Variants in ARL17B observed in about 807,000 individuals in gnomAD.
ARL17B encodes the protein ADP-ribosylation factor-like protein 17.
At chr17:46,340,927 A>G (rs1402668437) in intron 3 of ARL17B, among the ~76,000 whole-genome samples, 3 of 77,774 alleles carry the variant, frequency 3.9e-5, no homozygotes, top group African/African-American at 1.2e-4. Flanking sequence ...TTTTTTCCAG[A>G]GACGGGCCTC....
chr17:46,277,155 T>C (rs2049612833), intron 4 of ARL17B, among the ~76,000 whole-genome samples: 1 of 152,234 alleles, frequency 6.6e-6, no homozygotes, highest in African/African-American at 2.4e-5. Context: ...TCAGCTCCCA[T>C]GTGCTTTATT....
intron 4 of ARL17B, among the ~76,000 whole-genome samples, chr17:46,287,908 T>C (rs1567855840): frequency 6.6e-6 from 1 of 152,330 alleles, no homozygotes; most frequent in Non-Finnish European, 1.5e-5. Context: ...CAAACGCTTA[T>C]ACAGTGTGTC....
rs2051685033 is a variant in ARL17B, at chr17:46,325,558, AC to A, written c.260-25894del. Among the ~76,000 whole-genome samples the A allele has an allele frequency of 3.7e-5, 3 of 82,058 alleles. 1 individual carries two copies. Among genetic ancestry groups the A allele is most frequent in the African/African-American group, 3.1e-5 (1 of 32,210 alleles). 53.8% of individuals were successfully genotyped at this position (82,058 alleles called of 152,430 possible). ...ATTGAAGGAGACTAAAGAATCATGTACTAAGTGTAATGTCTGATGTTTGATT... is the reference window on the plus strand; with the variant it reads ...ATTGAAGGAGACTAAAGAATCATGTATAAGTGTAATGTCTGATGTTTGATT... On this transcript the variant is annotated intron_variant, in intron 3 of 4. Transcript: ENST00000434041.
At chr17:46,293,115 A>T (rs2050123076) in intron 4 of ARL17B, 1 of 40,486 alleles carries the variant, frequency 2.5e-5, no homozygotes, top group Non-Finnish European at 7.7e-5. Context: ...CACCACACTC[A>T]GCTAATTTTT....
chr17:46,291,969 CAAA>C lies in ARL17B; in HGVS notation c.*21+7554_*21+7556del, dbSNP rs59554870. Among the ~76,000 whole-genome samples the C allele has an allele frequency of 3.0e-3, 177 of 58,084 alleles. 2 individuals carry two copies. The highest frequency in any genetic ancestry group is 0.01 in the African/African-American group (142 of 13,974). The allele number at this position is 58,084 out of a possible 152,430, so 38.1% of individuals were successfully genotyped here. On this transcript the variant is annotated intron_variant, in intron 4 of 4. Coordinates refer to the ARL17B transcript ENST00000570618. Reference sequence around the variant, plus strand: ...GAATAAGGCCCTGCTTCTCAAAAAGCAAAAAAAAAAAAAAAAAAGCCAATAAAA... The same window carrying C: ...GAATAAGGCCCTGCTTCTCAAAAAGCAAAAAAAAAAAAAAAGCCAATAAAA...
chr17:46,298,719 A>T (rs2050243944), downstream of ARL17B, among the ~76,000 whole-genome samples: 1 of 97,670 alleles, frequency 1.0e-5, no homozygotes, highest in Admixed American at 1.2e-4. Context: ...GCAAGACTCC[A>T]TCTCAAAAAA....
intron 4 of ARL17B, among the ~76,000 whole-genome samples, chr17:46,279,499 T>TC (rs1348975519): frequency 1.6e-5 from 2 of 123,132 alleles, no homozygotes; most frequent in African/African-American, 6.3e-5. Flanking sequence ...TTTCTTTCTT[T>TC]CTTTTTTTTT....
chr17:46,353,080 C>CG (rs1348512095), intron 2 of ARL17B, 150 bp from the exon 3 acceptor site: 2 of 1,271,290 alleles, frequency 1.6e-6, no homozygotes, highest in Non-Finnish European at 2.2e-6. Flanking sequence ...CTGGCCCCCT[C>CG]GCCCATTCAT....
chr17:46,352,282 TAAA>T (rs138163080), intron 3 of ARL17B, among the ~76,000 whole-genome samples: 2 of 46,240 alleles, frequency 4.3e-5, no homozygotes, highest in Non-Finnish European at 4.1e-5. Context: ...AACGCAACAG[TAAA>T]AAAAAAAAAT....
chr17:46,304,895 A>G (rs2050467931), intron 3 of ARL17B, among the ~76,000 whole-genome samples: 1 of 67,038 alleles, frequency 1.5e-5, no homozygotes, highest in Non-Finnish European at 4.6e-5. Context: ...TTGAGACGGA[A>G]TCTCGCTCTG....
chr17:46,277,184 A>G (rs562640977), intron 4 of ARL17B, among the ~76,000 whole-genome samples: 228 of 152,328 alleles, frequency 1.5e-3, no homozygotes, highest in African/African-American at 5.0e-3. Flanking sequence ...TGTCAACTTC[A>G]GTATATTAAA....
At chr17:46,281,475 G>A (rs1443391942) in intron 4 of ARL17B, among the ~76,000 whole-genome samples, 3 of 151,858 alleles carry the variant, frequency 2.0e-5, no homozygotes, top group Admixed American at 2.0e-4. Flanking sequence ...CTGCAGCCTT[G>A]AACTCCTGGG....
intron 3 of ARL17B, among the ~76,000 whole-genome samples, chr17:46,304,918 G>A (rs2050470093): frequency 1.5e-5 from 1 of 68,388 alleles, no homozygotes; most frequent in Non-Finnish European, 4.5e-5. Context: ...GCCCAGGCTG[G>A]AGTGCAGTGG....
intron 4 of ARL17B, among the ~76,000 whole-genome samples, chr17:46,292,044 T>C (rs146510552): frequency 0.011 from 1,553 of 139,652 alleles, 64 homozygotes; most frequent in African/African-American, 0.036. Context: ...ATAGAGCAAT[T>C]TGACAGGCCA....
At chr17:46,282,636 G>A (rs1277038364) in intron 4 of ARL17B, among the ~76,000 whole-genome samples, 3 of 149,632 alleles carry the variant, frequency 2.0e-5, no homozygotes. Context: ...GGCCCAGGCT[G>A]GTCTTGAACT....
chr17:46,280,296 G>A (rs77916087), intron 4 of ARL17B, among the ~76,000 whole-genome samples: 16,682 of 148,990 alleles, frequency 0.11, no homozygotes, highest in Non-Finnish European at 0.17. Flanking sequence ...CGCGGGAAGC[G>A]GAGGTTGCAG....
chr17:46,287,903 G>A (rs1229740828), intron 4 of ARL17B, among the ~76,000 whole-genome samples: 12 of 152,202 alleles, frequency 7.9e-5, no homozygotes, highest in African/African-American at 2.2e-4. Context: ...TGTAACAAAC[G>A]CTTATACAGT....
chr17:46,279,231 T>TGGAGTGCAGTGGCACAATCTTGGC, intron 4 of ARL17B, among the ~76,000 whole-genome samples: 1 of 151,034 alleles, frequency 6.6e-6, no homozygotes, highest in Non-Finnish European at 1.5e-5. Context: ...TCGCCTAGGC[T>TGGAGTGCAGTGGCACAATCTTGGC]GGAGTGCAGT....
intron 4 of ARL17B, among the ~76,000 whole-genome samples, chr17:46,280,569 CTTTTTTT>C (rs56981193): frequency 8.9e-6 from 1 of 112,012 alleles, no homozygotes; most frequent in Non-Finnish European, 1.7e-5. Context: ...TGATAGCACA[CTTTTTTT>C]TTTTTTTTTT....
Sources: allele counts gnomAD v4.1 joint callset (sites outside exome capture counted in the v4.1 genomes callset), GRCh38; gene constraint gnomAD v4.1.1; transcripts MANE v1.5; gene names NCBI Gene and HGNC (gene_info 2026-07-23, HGNC 2026-07-21).